The following ALOX15 variants were observed in gnomAD, a reference collection of about 807,000 sequenced individuals.
ALOX15 encodes the protein polyunsaturated fatty acid lipoxygenase ALOX15.
A neutral mutation model predicts 71.7 loss-of-function variants in ALOX15; 68 were observed. The observed-to-expected ratio is 0.95, with a 90% CI of 0.78 to 1.16. The LOEUF (loss-of-function observed/expected upper bound fraction) is 1.16. ALOX15 is among the 50% of genes most tolerant of loss of function. The probability of loss-of-function intolerance (pLI) is 0.00; values close to 1 mark genes in which losing one functional copy is unlikely to be tolerated. For missense variants in ALOX15, 798 were observed against 818.8 expected, an observed-to-expected ratio of 0.97 and a Z score of 0.31; for synonymous variants, 346 against 333.3, an observed-to-expected ratio of 1.04 and a Z score of -0.42.
Position 4,635,750 on chromosome 17 carries a change from A to G in ALOX15, c.1161+9T>C, listed in dbSNP as rs567451503. The G allele has an allele frequency of 1.2e-6, 2 of 1,614,050 alleles. No individual in the cohort carries two copies. Among genetic ancestry groups the G allele is most frequent in the South Asian group, 2.2e-5 (2 of 91,056 alleles). ...GTGGCAGGCAAGAGAGAAGGGGATAAGGAGTTACCTTGAAGATAGGATGTA... is the reference window on the plus strand; with the variant it reads ...GTGGCAGGCAAGAGAGAAGGGGATAGGGAGTTACCTTGAAGATAGGATGTA... On this transcript the variant is annotated intron_variant, in intron 8 of 13. Transcript: ENST00000293761.
Position 4,631,744 on chromosome 17 carries a change from C to A in ALOX15, c.1845G>T (p.Ser615=). The part of the protein sequence containing the change: ...AVGQHEEEYF[S]GPEPKAVLKK... ...TCAGCACAGCCTTAGGCTCAGGGCC[C>A]GAAAAATACTCCTCCTCATGCTGGC... is the stretch of plus-strand genomic sequence containing the variant. The change falls in exon 14 of 14, where the codon TCG becomes TCT. Residue 615 remains serine, a synonymous_variant. Coordinates refer to ENST00000293761, the MANE Select transcript of ALOX15 (RefSeq NM_001140.5). The A allele has an allele frequency of 6.2e-7, 1 of 1,614,048 alleles. No individual in the cohort carries two copies. The highest frequency in any genetic ancestry group is 8.5e-7 in the Non-Finnish European group (1 of 1,179,998).
At position 4,634,707 on chromosome 17, in the gene ALOX15, G is replaced by A. The variant is rs543945230; in HGVS notation, c.1161+1052C>T. On this transcript the variant is annotated intron_variant, in intron 8 of 13. Transcript: ENST00000293761. ...AAAGTAATAAGATTTGGCCGGCCACGGTGGCTCACGCCTGTAATCCCAACA... is the reference window on the plus strand; with the variant it reads ...AAAGTAATAAGATTTGGCCGGCCACAGTGGCTCACGCCTGTAATCCCAACA... Among the ~76,000 whole-genome samples, 9 of 151,948 alleles carry A rather than the reference G, an allele frequency of 5.9e-5. No individual in the cohort carries two copies. In the East Asian group the frequency reaches 1.2e-3, roughly 20 times the overall value.
rs200443858 is a variant in ALOX15, at chr17:4,639,052, G to A, written c.418C>T (p.Arg140Trp). The change falls in exon 3 of 14, where the codon CGG becomes TGG. Residue 140 changes from arginine (R) to tryptophan (W), a missense_variant and splice_region_variant. Physicochemically the swap from Arg to Trp is moderately radical, Grantham distance 101 (BLOSUM62 -3). Transcript: ENST00000293761. Reference sequence around the variant, plus strand: ...TGGGGTCAGGGGAGGAGGGCTCACCGGTACAACTTCCTTCTCTCTTCCAGC... The same window carrying A: ...TGGGGTCAGGGGAGGAGGGCTCACCAGTACAACTTCCTTCTCTCTTCCAGC... ...EELEERRKLYRWGNWKDGLIL... is the reference protein window; with the variant it reads ...EELEERRKLYWWGNWKDGLIL... 46 of 1,614,144 alleles carry A rather than the reference G, an allele frequency of 2.8e-5. No homozygotes were observed. Among genetic ancestry groups the A allele is most frequent in the East Asian group, 6.7e-5 (3 of 44,850 alleles).
chr17:4,638,992 T>A lies in ALOX15; in HGVS notation c.420-20A>T, dbSNP rs769769689. On this transcript the variant is annotated intron_variant, in intron 3 of 13. Coordinates refer to ENST00000293761, the MANE Select transcript of ALOX15 (RefSeq NM_001140.5). ...CCCCACCTGTGGGGCAGGAAGGAAA[T>A]CAAGTATGGGTGCTGGAAGCATCAG... is the stretch of plus-strand genomic sequence containing the variant. 8 of 1,614,024 alleles carry A rather than the reference T, an allele frequency of 5.0e-6. No individual in the cohort carries two copies. The highest frequency in any genetic ancestry group is 2.2e-5 in the East Asian group (1 of 44,898).
At chr17:4,633,732 G>A (rs750881625) in intron 8 of ALOX15, among the ~76,000 whole-genome samples, 1 of 152,110 alleles carries the variant, frequency 6.6e-6, no homozygotes, top group Non-Finnish European at 1.5e-5. Flanking sequence ...ACATGCTCAC[G>A]GATGTTCATC....
At chr17:4,632,796 C>G (rs1910958553) in intron 11 of ALOX15, 65 bp downstream of exon 11, 1 of 1,608,560 alleles carries the variant, frequency 6.2e-7, no homozygotes, top group East Asian at 2.2e-5. Context: ...CACAGAAGCA[C>G]AGGGGATTCT....
At chr17:4,635,677 A>T in intron 8 of ALOX15, 82 bp downstream of exon 8, 1 of 1,365,090 alleles carries the variant, frequency 7.3e-7, no homozygotes, top group Non-Finnish European at 1.0e-6. Context: ...CCGAGACCCC[A>T]CAGAGAGGGA....
chr17:4,636,500 G>A (rs1265450579), intron 7 of ALOX15, among the ~76,000 whole-genome samples: 1 of 151,890 alleles, frequency 6.6e-6, no homozygotes, highest in South Asian at 2.1e-4. Flanking sequence ...CTCTGCACTC[G>A]CATCCACCTG....
rs775234808 is a variant in ALOX15, at chr17:4,639,136, G to T, written c.338-4C>A. The T allele has an allele frequency of 6.2e-7, 1 of 1,614,022 alleles. No individual in the cohort carries two copies. The highest frequency in any genetic ancestry group is 1.3e-5 in the African/African-American group (1 of 74,920). On this transcript the variant is annotated splice_region_variant and splice_polypyrimidine_tract_variant and intron_variant, in intron 2 of 13. Coordinates refer to ENST00000293761, the MANE Select transcript of ALOX15 (RefSeq NM_001140.5). ...GGGTCCTCGCCCACAGTGCGGCCTA[G>T]AAGGACAGAGGAGGACTTGGCCAGT...
rs777779590 is a variant in ALOX15, at chr17:4,638,978, G to A, written c.420-6C>T. On this transcript the variant is annotated splice_region_variant and splice_polypyrimidine_tract_variant and intron_variant, in intron 3 of 13. Coordinates refer to ENST00000293761, the MANE Select transcript of ALOX15 (RefSeq NM_001140.5). ...CGTCCTTCCAGTTTCCCCACCTGTG[G>A]GGCAGGAAGGAAATCAAGTATGGGT... 12 of 1,614,058 alleles carry A rather than the reference G, an allele frequency of 7.4e-6. No individual in the cohort carries two copies. Among genetic ancestry groups the A allele is most frequent in the South Asian group, 5.5e-5 (5 of 91,078 alleles).
Position 4,638,971 on chromosome 17 carries a change from ACCTGTG to A in ALOX15, c.420-5_420del, listed in dbSNP as rs1911217400. The A allele has an allele frequency of 6.2e-7, 1 of 1,613,882 alleles. No homozygotes were observed. Among genetic ancestry groups the A allele is most frequent in the Non-Finnish European group, 8.5e-7 (1 of 1,179,982 alleles). On this transcript the variant is annotated splice_acceptor_variant and splice_polypyrimidine_tract_variant and coding_sequence_variant and intron_variant, in exon 4 of 14. Coordinates refer to ENST00000293761, the MANE Select transcript of ALOX15 (RefSeq NM_001140.5). LOFTEE classifies it high-confidence loss of function. ...ATTAACCCGTCCTTCCAGTTTCCCC[ACCTGTG>A]GGGCAGGAAGGAAATCAAGTATGGG...
rs909234259 is a variant in ALOX15, at chr17:4,631,637, A to T, written c.1952T>A (p.Leu651Gln). ...NAKLDMPYEY[L>Q]RPSVVENSVA... ...ACTGTTTTCCACCACGCTGGGCCGCAGGTACTCGTAGGGCATGTCCAGCTT... is the reference window on the plus strand; with the variant it reads ...ACTGTTTTCCACCACGCTGGGCCGCTGGTACTCGTAGGGCATGTCCAGCTT... The change falls in exon 14 of 14, where the codon CTG (leucine) becomes CAG (glutamine). Residue 651 changes from leucine (L) to glutamine (Q), a missense_variant. By Grantham distance (113) the Leu-to-Gln change is moderately radical. Around this residue, in one of 3 missense-constraint regions of ALOX15, gnomAD observed 490 missense variants for 509.4 expected, o/e 0.96. Coordinates refer to ENST00000293761, the MANE Select transcript of ALOX15 (RefSeq NM_001140.5). 2.5e-6 allele frequency: 4 copies of T among 1,613,860 alleles called. No individual in the cohort carries two copies. The highest frequency in any genetic ancestry group is 1.1e-5 in the South Asian group (1 of 91,064).
chr17:4,633,035 C>A, intron 10 of ALOX15, 53 bp from the exon 11 acceptor site: 1 of 1,613,452 alleles, frequency 6.2e-7, no homozygotes, highest in South Asian at 1.1e-5. Flanking sequence ...TGCCCCTGCT[C>A]ACATGGCCAG....
In ALOX15 at chr17:4,632,965, A is replaced by G. The variant is rs149209530; in HGVS notation, c.1436T>C (p.Val479Ala). The change falls in exon 11 of 14, where the codon GTG (valine) becomes GCG (alanine). Residue 479 changes from valine (V) to alanine (A), a missense_variant. Coordinates refer to ENST00000293761, the MANE Select transcript of ALOX15 (RefSeq NM_001140.5). ...EIIYRYVEGI[V>A]SLHYKTDVAV... ...CACGTCTGTCTTATAGTGGAGACTC[A>G]CGATTCCTTCCACATACCTACCAAC... The G allele has an allele frequency of 7.4e-6, 12 of 1,613,964 alleles. No homozygotes were observed. In the African/African-American group the frequency reaches 1.3e-4, roughly 18 times the overall value.
chr17:4,633,554 T>C, intron 8 of ALOX15, 54 bp from the exon 9 acceptor site: 1 of 1,497,444 alleles, frequency 6.7e-7, no homozygotes, highest in Non-Finnish European at 9.3e-7. Context: ...GCAAGATCCC[T>C]GCAGGAAACA....
Position 4,639,619 on chromosome 17 carries a change from T to A in ALOX15, c.148A>T (p.Lys50Ter), listed in dbSNP as rs768910071. ...CCCAGATACTCCGGTACTTCCACCT[T>A]GAGTTCTGTCTCCTGCGGGCGACAG... The part of the protein sequence containing the change: ...WPARGKETEL[K>*]VEVPEYLGPL... The change falls in exon 2 of 14, where the codon AAG (lysine) becomes TAG (stop). Residue 50 changes from lysine (K) to a stop codon, truncating the protein, a stop_gained. Coordinates refer to ENST00000293761, the MANE Select transcript of ALOX15 (RefSeq NM_001140.5). LOFTEE classifies it high-confidence loss of function. 6.2e-7 allele frequency: 1 copy of A among 1,612,126 alleles called. No homozygotes were observed. The highest frequency in any genetic ancestry group is 1.7e-5 in the Admixed American group (1 of 59,756).
chr17:4,641,020 G>A (rs1192369714), intron 1 of ALOX15, among the ~76,000 whole-genome samples: 1 of 150,928 alleles, frequency 6.6e-6, no homozygotes, highest in Non-Finnish European at 1.5e-5. Context: ...ACAGGACCGG[G>A]TAGAACACCC....
chr17:4,638,618 G>A lies in ALOX15; in HGVS notation c.609C>T (p.Phe203=), dbSNP rs1176487110. The change falls in exon 5 of 14, where the codon TTC becomes TTT. Residue 203 remains phenylalanine, a synonymous_variant. Transcript: ENST00000293761. ...VLTCWKDLDD[F]NRIFWCGQSK... ...TCTGACCACACCAGAAAATCCGGTTGAAGTCATCTAGATCCTTCCAGCAAG... is the reference window on the plus strand; with the variant it reads ...TCTGACCACACCAGAAAATCCGGTTAAAGTCATCTAGATCCTTCCAGCAAG... 24 of 1,614,180 alleles carry A rather than the reference G, an allele frequency of 1.5e-5. No individual in the cohort carries two copies. Among genetic ancestry groups the A allele is most frequent in the Admixed American group, 5.0e-5 (3 of 60,030 alleles).
chr17:4,636,172 C>T (rs1911089496), intron 7 of ALOX15, among the ~76,000 whole-genome samples: 1 of 152,210 alleles, frequency 6.6e-6, no homozygotes, highest in Admixed American at 6.5e-5. Context: ...AGCTGCTTTG[C>T]CTCCAGCATT....
Sources: gnomAD v4.1 joint callset for allele counts (sites outside exome capture counted in the v4.1 genomes callset) on GRCh38, gnomAD v4.1.1 for gene constraint, gnomAD v4.1.1 regional missense constraint, MANE v1.5 for transcripts, NCBI Gene and HGNC (gene_info 2026-07-23, HGNC 2026-07-21) for gene names.